CAMK2D: variants seen among roughly 807,000 people sequenced by gnomAD.
The protein encoded by CAMK2D is calcium/calmodulin dependent protein kinase II delta, also known as calcium/calmodulin-dependent protein kinase type II subunit delta.
Under a neutral mutation model 84.0 loss-of-function variants are expected in CAMK2D, and 37 were observed. The ratio of observed to expected loss-of-function variants is 0.44; its 90% CI spans 0.34 to 0.58. CAMK2D has a LOEUF of 0.58. CAMK2D is among the 20% of genes least tolerant of loss of function. CAMK2D has a pLI of 0.02. For synonymous variants in CAMK2D, 202 were observed against 212.5 expected (o/e 0.95, Z 0.43); for missense variants, 448 against 652.5 (o/e 0.69, Z 3.41).
At chr4:113,750,147 A>G (rs1209081477) in intron 2 of CAMK2D, among the ~76,000 whole-genome samples, 1 of 152,226 alleles carries the variant, frequency 6.6e-6, no homozygotes, top group African/African-American at 2.4e-5. Context: ...AAGCTCCATA[A>G]GATATGAAAT....
At chr4:113,694,263 G>C (rs1273264658) in intron 2 of CAMK2D, among the ~76,000 whole-genome samples, 7 of 152,160 alleles carry the variant, frequency 4.6e-5, no homozygotes, top group Non-Finnish European at 8.8e-5. Context: ...GGAAAAGGAA[G>C]ATCTAGTTTC....
At chr4:113,663,286 C>T (rs1379698424) in intron 2 of CAMK2D, among the ~76,000 whole-genome samples, 1 of 151,804 alleles carries the variant, frequency 6.6e-6, no homozygotes, top group Non-Finnish European at 1.5e-5. Context: ...AAGTGTTATA[C>T]CTAAAGTATA....
intron 4 of CAMK2D, among the ~76,000 whole-genome samples, chr4:113,568,258 CT>C (rs2098735124): frequency 6.6e-6 from 1 of 152,164 alleles, no homozygotes; most frequent in South Asian, 2.1e-4. Flanking sequence ...CACCTGGTAA[CT>C]GTCACTCTAC....
rs554034202 is a variant in CAMK2D at position 113,652,540 on chromosome 4, G to C, written c.220+9173C>G. ...CCAACTATCTTCTGGGCTCCCTAGCGACATGAGTTATTCTTCCCCATGGTG... is the reference window on the plus strand; with the variant it reads ...CCAACTATCTTCTGGGCTCCCTAGCCACATGAGTTATTCTTCCCCATGGTG... On this transcript the variant is annotated intron_variant, in intron 3 of 20. Transcript: ENST00000511664. Among the ~76,000 whole-genome samples, 14 of 152,234 alleles carry C rather than the reference G, an allele frequency of 9.2e-5. No homozygotes were observed. The South Asian group carries it at 2.5e-3, about 27-fold the overall frequency.
chr4:113,652,367 T>C (rs1335537906), intron 3 of CAMK2D, among the ~76,000 whole-genome samples: 2 of 152,216 alleles, frequency 1.3e-5, no homozygotes, highest in Non-Finnish European at 2.9e-5. Context: ...TGAAGTTCTT[T>C]GGAATTCCAA....
chr4:113,718,592 T>C (rs1443581466), intron 2 of CAMK2D, among the ~76,000 whole-genome samples: 3 of 152,232 alleles, frequency 2.0e-5, no homozygotes, highest in African/African-American at 7.2e-5. Context: ...ATATTGTGGC[T>C]AGTTCGTTTG....
chr4:113,525,893 A>G (rs760504670), intron 8 of CAMK2D, among the ~76,000 whole-genome samples: 2 of 152,210 alleles, frequency 1.3e-5, no homozygotes, highest in South Asian at 2.1e-4. Context: ...GCTAAAAAAG[A>G]GTTTCCCTCA....
At chr4:113,508,694 C>T (rs1230348531) in intron 13 of CAMK2D, among the ~76,000 whole-genome samples, 2 of 152,164 alleles carry the variant, frequency 1.3e-5, no homozygotes. Context: ...GTCATCAGTG[C>T]TCCAGAAATT....
At chr4:113,568,824 T>C (rs565561396) in intron 4 of CAMK2D, among the ~76,000 whole-genome samples, 30 of 152,284 alleles carry the variant, frequency 2.0e-4, no homozygotes, top group African/African-American at 6.7e-4. Context: ...GGTGGTTTGA[T>C]GTGTATTTCT....
intron 6 of CAMK2D, among the ~76,000 whole-genome samples, chr4:113,540,559 A>G: frequency 6.6e-6 from 1 of 152,168 alleles, no homozygotes; most frequent in East Asian, 1.9e-4. Flanking sequence ...GACTTGGGCA[A>G]CTCACAAATG....
chr4:113,683,478 T>C (rs1419138534), intron 2 of CAMK2D, among the ~76,000 whole-genome samples: 2 of 152,060 alleles, frequency 1.3e-5, no homozygotes, highest in South Asian at 2.1e-4. Context: ...AACACCACCA[T>C]ACAATGAAAG....
chr4:113,670,356 G>GT (rs1438889139), intron 2 of CAMK2D, among the ~76,000 whole-genome samples: 2 of 152,058 alleles, frequency 1.3e-5, no homozygotes, highest in African/African-American at 4.8e-5. Flanking sequence ...TGTTAATATT[G>GT]TAAGTAACAA....
intron 2 of CAMK2D, among the ~76,000 whole-genome samples, chr4:113,738,349 C>T (rs2099585852): frequency 6.6e-6 from 1 of 152,060 alleles, no homozygotes; most frequent in Non-Finnish European, 1.5e-5. Flanking sequence ...TGTAAATGTT[C>T]CCTTCCAATC....
chr4:113,722,735 G>A (rs1029426971), intron 2 of CAMK2D, among the ~76,000 whole-genome samples: 7 of 152,102 alleles, frequency 4.6e-5, no homozygotes, highest in African/African-American at 1.7e-4. Flanking sequence ...CTTTCCCTCT[G>A]CAGAGTTGAA....
chr4:113,637,612 A>G (rs543460495), intron 3 of CAMK2D, among the ~76,000 whole-genome samples: 2 of 152,264 alleles, frequency 1.3e-5, no homozygotes, highest in South Asian at 4.1e-4. Flanking sequence ...AAAAATTTTT[A>G]GCTGCAAGAA....
chr4:113,631,732 G>A (rs769931095), intron 3 of CAMK2D, among the ~76,000 whole-genome samples: 1 of 152,178 alleles, frequency 6.6e-6, no homozygotes, highest in Admixed American at 6.6e-5. Flanking sequence ...ACAGGGTGCA[G>A]TGGTAAAAAT....
intron 16 of CAMK2D, among the ~76,000 whole-genome samples, chr4:113,500,260 GA>G (rs1365721844): frequency 1.3e-5 from 2 of 151,980 alleles, no homozygotes; most frequent in Non-Finnish European, 2.9e-5. Flanking sequence ...ATATATAAAA[GA>G]ATATGTAGGA....
intron 3 of CAMK2D, among the ~76,000 whole-genome samples, chr4:113,661,252 T>A (rs1279657892): frequency 1.3e-5 from 2 of 151,876 alleles, no homozygotes; most frequent in African/African-American, 2.4e-5. Flanking sequence ...CCTTCACAAC[T>A]ATTTTCCCAA....
chr4:113,454,949 T>G (rs916010080), intron 20 of CAMK2D, among the ~76,000 whole-genome samples: 3 of 152,208 alleles, frequency 2.0e-5, no homozygotes, highest in Non-Finnish European at 4.4e-5. Context: ...AGAAGTCAAT[T>G]TAACAAGGAA....
Sources: gnomAD v4.1 joint callset for allele counts (sites outside exome capture counted in the v4.1 genomes callset) on GRCh38, gnomAD v4.1.1 for gene constraint, MANE v1.5 for transcripts, NCBI Gene and HGNC (gene_info 2026-07-23, HGNC 2026-07-21) for gene names.